The following GLYR1 variants were observed in gnomAD, a reference collection of about 807,000 sequenced individuals.
GLYR1 encodes the protein cytokine-like nuclear factor N-PAC.
In GLYR1, 21 loss-of-function variants were observed where a neutral mutation model predicts 72.7. The ratio of observed to expected loss-of-function variants is 0.29; its 90% CI spans 0.20 to 0.42. GLYR1 has a LOEUF of 0.42. Ranked by LOEUF, GLYR1 falls within the 10% of genes least tolerant of loss-of-function variation. GLYR1 has a pLI of 1.00. For synonymous variants in GLYR1, 392 were observed against 270.2 expected, an observed-to-expected ratio of 1.45 and a Z score of -4.42; for missense variants, 594 against 712.1, an observed-to-expected ratio of 0.83 and a Z score of 1.89.
intron 9 of GLYR1, among the ~76,000 whole-genome samples, chr16:4,820,237 C>T (rs1042560137): frequency 1.3e-5 from 2 of 152,216 alleles, no homozygotes; most frequent in African/African-American, 4.8e-5. Flanking sequence ...AATCCGCCCA[C>T]CTTGGCCTCC....
intron 5 of GLYR1, among the ~76,000 whole-genome samples, chr16:4,826,369 G>C (rs540304354): frequency 2.6e-5 from 4 of 152,274 alleles, no homozygotes; most frequent in East Asian, 3.9e-4. Flanking sequence ...GCCTTCCAAA[G>C]TGCTGGGATT....
At chr16:4,841,441 C>T (rs550385866) in intron 3 of GLYR1, among the ~76,000 whole-genome samples, 3 of 95,696 alleles carry the variant, frequency 3.1e-5, no homozygotes, top group Admixed American at 1.7e-4. Flanking sequence ...GGAAACATGG[C>T]GAGAACTTGT....
intron 5 of GLYR1, among the ~76,000 whole-genome samples, chr16:4,824,841 C>T (rs373534890): frequency 1.3e-5 from 2 of 152,152 alleles, no homozygotes; most frequent in African/African-American, 2.4e-5. Flanking sequence ...CAGTCACTCC[C>T]TTCCAGCCAC....
chr16:4,820,536 C>T (rs1452965630), intron 9 of GLYR1, among the ~76,000 whole-genome samples: 1 of 152,148 alleles, frequency 6.6e-6, no homozygotes, highest in Non-Finnish European at 1.5e-5. Context: ...TCCTCCTCCC[C>T]TTTGTTTGCA....
At chr16:4,816,723 C>T (rs1202541528) in intron 10 of GLYR1, among the ~76,000 whole-genome samples, 1 of 152,076 alleles carries the variant, frequency 6.6e-6, no homozygotes, top group African/African-American at 2.4e-5. Flanking sequence ...CAGTGGCTCA[C>T]ACCCGTAATC....
chr16:4,813,179 G>A (rs1366562749), intron 12 of GLYR1, among the ~76,000 whole-genome samples: 1 of 149,492 alleles, frequency 6.7e-6, no homozygotes, highest in African/African-American at 2.5e-5. Context: ...TAGCCAGGAT[G>A]GTCTCGATCT....
chr16:4,811,227 G>A lies in GLYR1; in HGVS notation c.1530C>T (p.Ala510=), dbSNP rs763523237. 4.3e-6 allele frequency: 7 copies of A among 1,614,142 alleles called. No homozygotes were observed. In the South Asian group the frequency reaches 6.6e-5, roughly 15 times the overall value. ...LKYIQKDLRL[A]IALGDAVNHP... ...GGTTGACCGCATCACCCAGCGCAATGGCTAAGCGGAGATCCTTCTGAATGT... is the reference window on the plus strand; with the variant it reads ...GGTTGACCGCATCACCCAGCGCAATAGCTAAGCGGAGATCCTTCTGAATGT... Residue 510 remains alanine (A), a synonymous_variant, in exon 15 of 16, where the codon GCC becomes GCT. Transcript: ENST00000321919.
chr16:4,823,741 A>T, intron 6 of GLYR1, 80 bp downstream of exon 6: 1 of 955,144 alleles, frequency 1.0e-6, no homozygotes, highest in South Asian at 1.5e-5. Flanking sequence ...CAAGAAAGGG[A>T]CAAAAAAAAA....
chr16:4,805,799 AAC>A (rs2082933466), intron 15 of GLYR1, among the ~76,000 whole-genome samples: 1 of 151,924 alleles, frequency 6.6e-6, no homozygotes, highest in Admixed American at 6.6e-5. Flanking sequence ...ACCGTCGTGA[AAC>A]CCCTTCTTTA....
At chr16:4,817,531 G>A (rs2083725904) in intron 10 of GLYR1, 67 bp downstream of exon 10, 1 of 907,178 alleles carries the variant, frequency 1.1e-6, no homozygotes, top group African/African-American at 1.6e-5. Context: ...ACAACAGGGG[G>A]AGATGTCCAC....
chr16:4,814,571 A>G lies in GLYR1; in HGVS notation c.983T>C (p.Phe328Ser), dbSNP rs898898803. Residue 328 changes from phenylalanine (F) to serine (S), a missense_variant, in exon 11 of 16, where the codon TTC (phenylalanine) becomes TCC (serine). This residue lies in a region of GLYR1 where 266 missense variants were observed against 358.4 expected (regional missense o/e 0.74). Coordinates refer to ENST00000321919, the MANE Select transcript of GLYR1 (RefSeq NM_032569.4). ...AEVVSTCDIT[F>S]ACVSDPKAAK... ...CGCCTTGGGATCCGACACGCAGGCGAAAGTGATGTCGCAGGTTGAGACGAC... is the reference window on the plus strand; with the variant it reads ...CGCCTTGGGATCCGACACGCAGGCGGAAGTGATGTCGCAGGTTGAGACGAC... The G allele has an allele frequency of 6.2e-7, 1 of 1,614,054 alleles. No individual in the cohort carries two copies. The highest frequency in any genetic ancestry group is 8.5e-7 in the Non-Finnish European group (1 of 1,180,018).
chr16:4,812,553 A>T (rs1284322348), intron 12 of GLYR1, among the ~76,000 whole-genome samples: 2 of 144,138 alleles, frequency 1.4e-5, no homozygotes, highest in East Asian at 4.1e-4. Flanking sequence ...AGTGCAGTGG[A>T]GCGATCTCGG....
Position 4,832,456 on chromosome 16 carries a change from C to G in GLYR1, c.295-235G>C, listed in dbSNP as rs13338246. On this transcript the variant is annotated intron_variant, in intron 4 of 15. Transcript: ENST00000321919. ...CTAGAAGAAAGGATTTAAATCTAGG[C>G]AGTATATGTATTTCAGAGGCTATGC... The G allele has an allele frequency of 1.2e-5, 7 of 600,780 alleles. No homozygotes were observed. The South Asian group carries it at 1.5e-4, about 13-fold the overall frequency. The allele number at this position is 600,780 out of a possible 1,614,324, so 37.2% of individuals were successfully genotyped here. A position where few individuals can be genotyped will look rare whatever the true frequency, so the allele number is the denominator to read the frequency against.
At chr16:4,814,506 G>A in intron 11 of GLYR1, 31 bp downstream of exon 11, 1 of 1,536,848 alleles carries the variant, frequency 6.5e-7, no homozygotes, top group Non-Finnish European at 9.0e-7. Flanking sequence ...CTGTGACCCG[G>A]AGTTGCTGAG....
At chr16:4,805,436 A>G in intron 15 of GLYR1, 126 bp from the exon 16 acceptor site, 2 of 772,318 alleles carry the variant, frequency 2.6e-6, no homozygotes, top group Non-Finnish European at 4.5e-6. Context: ...TCCGGTTAGG[A>G]ATCCTGTGTT....
At chr16:4,811,068 G>C in intron 15 of GLYR1, 102 bp downstream of exon 15, 1 of 1,407,800 alleles carries the variant, frequency 7.1e-7, no homozygotes, top group South Asian at 1.4e-5. Flanking sequence ...TCGCACCAGT[G>C]CACTCTAGCC....
intron 3 of GLYR1, among the ~76,000 whole-genome samples, chr16:4,844,779 T>A (rs1638281933): frequency 6.6e-6 from 1 of 152,178 alleles, no homozygotes; most frequent in South Asian, 2.1e-4. Context: ...AAAAAGGAAC[T>A]GCCTTTGGAG....
intron 5 of GLYR1, among the ~76,000 whole-genome samples, chr16:4,825,231 C>T (rs373570746): frequency 6.6e-6 from 1 of 152,184 alleles, no homozygotes; most frequent in African/African-American, 2.4e-5. Flanking sequence ...GCATGGTCTA[C>T]AGGGAGGGTC....
chr16:4,826,473 C>T (rs970059981), intron 5 of GLYR1, among the ~76,000 whole-genome samples: 1 of 152,196 alleles, frequency 6.6e-6, no homozygotes, highest in Non-Finnish European at 1.5e-5. Context: ...AGAACTCTGC[C>T]AGTCTGGCCT....
Sources: gnomAD v4.1 joint callset for allele counts (sites outside exome capture counted in the v4.1 genomes callset) on GRCh38, gnomAD v4.1.1 for gene constraint, gnomAD v4.1.1 regional missense constraint, MANE v1.5 for transcripts, NCBI Gene and HGNC (gene_info 2026-07-23, HGNC 2026-07-21) for gene names.